The following FAM227B variants were observed in gnomAD, a reference collection of about 807,000 sequenced individuals.
The protein encoded by FAM227B is family with sequence similarity 227 member B.
Under a neutral mutation model 73.8 loss-of-function variants are expected in FAM227B, and 88 were observed. The observed-to-expected ratio is 1.19, with a 90% CI of 1.00 to 1.42. The LOEUF is 1.42. Ranked by LOEUF, FAM227B falls within the 40% of genes most tolerant of loss-of-function variation. FAM227B has a pLI of 0.00. For missense variants in FAM227B, 632 were observed against 590.9 expected (o/e 1.07, Z -0.72); for synonymous variants, 210 against 190.5 (o/e 1.10, Z -0.84).
chr15:49,428,182 A>G (rs1012320250), intron 11 of FAM227B, among the ~76,000 whole-genome samples: 8 of 151,956 alleles, frequency 5.3e-5, no homozygotes, highest in Non-Finnish European at 1.2e-4. Flanking sequence ...AGAACTGGTC[A>G]TAAGGATTGT....
At chr15:49,424,555 A>T in intron 11 of FAM227B, 1 of 1,594,640 alleles carries the variant, frequency 6.3e-7, no homozygotes, top group Non-Finnish European at 8.6e-7. Flanking sequence ...GCAAAGTAAA[A>T]GGGACCCAAG....
intron 11 of FAM227B, among the ~76,000 whole-genome samples, chr15:49,459,503 A>G (rs1432191512): frequency 2.0e-5 from 3 of 152,046 alleles, no homozygotes; most frequent in Non-Finnish European, 2.9e-5. Context: ...ATGAACCTGC[A>G]TTTCAGCATT....
intron 11 of FAM227B, chr15:49,396,449 T>G: frequency 1.0e-5 from 2 of 191,112 alleles, no homozygotes; most frequent in Non-Finnish European, 2.2e-5. Flanking sequence ...CAGGCTTGAT[T>G]AGGTAAACAA....
chr15:49,580,600 C>T (rs2075751090), intron 5 of FAM227B, among the ~76,000 whole-genome samples: 1 of 152,196 alleles, frequency 6.6e-6, no homozygotes, highest in South Asian at 2.1e-4. Context: ...CTCCAAATGA[C>T]TGCACTAGTT....
intron 9 of FAM227B, among the ~76,000 whole-genome samples, chr15:49,557,638 G>C (rs2073841379): frequency 6.6e-6 from 1 of 152,140 alleles, no homozygotes; most frequent in Admixed American, 6.5e-5. Context: ...CCAGGCAGCT[G>C]CCCACCCAGA....
intron 11 of FAM227B, among the ~76,000 whole-genome samples, chr15:49,456,534 T>C (rs1183721029): frequency 1.3e-5 from 2 of 152,162 alleles, no homozygotes; most frequent in African/African-American, 4.8e-5. Flanking sequence ...AGCATTCAAC[T>C]GGATATATAT....
intron 11 of FAM227B, among the ~76,000 whole-genome samples, chr15:49,497,968 AGTC>A (rs2057772295): frequency 6.6e-6 from 1 of 152,194 alleles, no homozygotes; most frequent in South Asian, 2.1e-4. Flanking sequence ...ATTTTTGTCC[AGTC>A]TTCTGCTACC....
At chr15:49,515,253 T>C (rs1453618031) in intron 10 of FAM227B, among the ~76,000 whole-genome samples, 1 of 152,174 alleles carries the variant, frequency 6.6e-6, no homozygotes, top group Non-Finnish European at 1.5e-5. Context: ...GTGACAAGTT[T>C]ATGTGATAAG....
chr15:49,519,617 T>C (rs1379966046), intron 10 of FAM227B, among the ~76,000 whole-genome samples: 3 of 151,936 alleles, frequency 2.0e-5, no homozygotes, highest in Non-Finnish European at 4.4e-5. Flanking sequence ...CATTGTATTT[T>C]GGCTCCATTT....
intron 9 of FAM227B, among the ~76,000 whole-genome samples, chr15:49,552,378 GTTTC>G (rs1162949215): frequency 1.5e-5 from 2 of 133,098 alleles, no homozygotes; most frequent in Non-Finnish European, 3.2e-5. Context: ...ATTGTATGTT[GTTTC>G]TTTCTTTTAT....
chr15:49,332,223 C>T (rs558269952), intron 14 of FAM227B, among the ~76,000 whole-genome samples: 1 of 152,312 alleles, frequency 6.6e-6, no homozygotes, highest in South Asian at 2.1e-4. Context: ...AGCAGTGGCA[C>T]ATCCTCTTCA....
chr15:49,527,530 T>C (rs958105768), intron 10 of FAM227B, among the ~76,000 whole-genome samples: 1 of 151,856 alleles, frequency 6.6e-6, no homozygotes, highest in Non-Finnish European at 1.5e-5. Flanking sequence ...AAGCGAGAAA[T>C]AATAGAAGAC....
intron 4 of FAM227B, among the ~76,000 whole-genome samples, chr15:49,588,945 A>C (rs2076360097): frequency 6.6e-6 from 1 of 152,004 alleles, no homozygotes; most frequent in African/African-American, 2.4e-5. Flanking sequence ...AACATAATGA[A>C]TCTAATACCT....
chr15:49,586,703 T>G lies in FAM227B; in HGVS notation c.405+1313A>C, dbSNP rs116117673. Among the ~76,000 whole-genome samples the G allele has an allele frequency of 1.5e-3, 231 of 151,832 alleles. 2 individuals carry two copies. The highest frequency in any genetic ancestry group is 5.3e-3 in the African/African-American group (219 of 41,394). ...ATAAGAAAAAAGCACATAACCCCAT[T>G]AAAAAGTGGGCAAAAGGCATGAACA... is the stretch of plus-strand genomic sequence containing the variant. On this transcript the variant is annotated intron_variant, in intron 5 of 15. Transcript: ENST00000299338.
chr15:49,450,552 T>C (rs988975187), intron 11 of FAM227B, among the ~76,000 whole-genome samples: 5 of 152,172 alleles, frequency 3.3e-5, no homozygotes, highest in East Asian at 3.9e-4. Flanking sequence ...ATTTACTCTT[T>C]AGTTATGTGC....
chr15:49,419,366 C>T (rs1261421782), intron 11 of FAM227B, among the ~76,000 whole-genome samples: 1 of 152,164 alleles, frequency 6.6e-6, no homozygotes, highest in Admixed American at 6.5e-5. Context: ...ATTTTCAGTG[C>T]GCTTGGCATG....
intron 10 of FAM227B, among the ~76,000 whole-genome samples, chr15:49,540,822 C>G (rs974921496): frequency 1.3e-5 from 2 of 152,040 alleles, no homozygotes; most frequent in Admixed American, 1.3e-4. Context: ...GTGGTCATTT[C>G]GTTTTTGTTT....
At chr15:49,594,940 G>C (rs1468330092) in intron 3 of FAM227B, among the ~76,000 whole-genome samples, 6 of 151,988 alleles carry the variant, frequency 3.9e-5, no homozygotes, top group Admixed American at 3.9e-4. Flanking sequence ...TTTTAGGACT[G>C]TTTTTTCTAG....
At chr15:49,550,939 G>C (rs1386065489) in intron 9 of FAM227B, among the ~76,000 whole-genome samples, 1 of 152,050 alleles carries the variant, frequency 6.6e-6, no homozygotes, top group Non-Finnish European at 1.5e-5. Flanking sequence ...GCGGCTGGGA[G>C]GTGGAGGTTG....
Sources: allele counts gnomAD v4.1 joint callset (sites outside exome capture counted in the v4.1 genomes callset), GRCh38; gene constraint gnomAD v4.1.1; transcripts MANE v1.5; gene names NCBI Gene and HGNC (gene_info 2026-07-23, HGNC 2026-07-21).